Variants in ROBO2 observed in about 807,000 individuals in gnomAD.
ROBO2 encodes roundabout guidance receptor 2.
In ROBO2, 53 loss-of-function variants were observed where a neutral mutation model predicts 160.8. The ratio of observed to expected loss-of-function variants is 0.33; its 90% CI spans 0.26 to 0.41. ROBO2 has a LOEUF of 0.41. Among genes scored for constraint, ROBO2 ranks in the 10% least tolerant of loss-of-function variants. The pLI, the probability that ROBO2 is intolerant of heterozygous loss-of-function variation, is 1.00. For missense variants in ROBO2, 1,577 were observed against 1,722.4 expected, an observed-to-expected ratio of 0.92 and a Z score of 1.49; for synonymous variants, 664 against 611.7, an observed-to-expected ratio of 1.09 and a Z score of -1.26.
intron 2 of ROBO2, among the ~76,000 whole-genome samples, chr3:76,250,315 C>T (rs1705909889): frequency 6.6e-6 from 1 of 151,948 alleles, no homozygotes; most frequent in Non-Finnish European, 1.5e-5. Flanking sequence ...CTTTTGGGAA[C>T]AAATAAAATA....
chr3:77,580,870 G>T (rs112569268), intron 16 of ROBO2, among the ~76,000 whole-genome samples: 2,487 of 152,180 alleles, frequency 0.016, 76 homozygotes, highest in African/African-American at 0.056. Flanking sequence ...AGGGTCTAAT[G>T]TCTGGGTAAA....
intron 2 of ROBO2, among the ~76,000 whole-genome samples, chr3:76,710,852 A>G (rs972547896): frequency 6.6e-6 from 1 of 152,182 alleles, no homozygotes; most frequent in African/African-American, 2.4e-5. Flanking sequence ...CTCAGACAGG[A>G]TGATGCGATA....
At chr3:76,985,526 G>GAGCCA (rs2060327308) in intron 2 of ROBO2, among the ~76,000 whole-genome samples, 1 of 128,416 alleles carries the variant, frequency 7.8e-6, no homozygotes, top group Non-Finnish European at 1.6e-5. Context: ...AGCTTGCAGT[G>GAGCCA]AGCCAAGCCA....
intron 2 of ROBO2, among the ~76,000 whole-genome samples, chr3:76,686,355 C>T (rs1421600433): frequency 1.3e-5 from 2 of 151,980 alleles, no homozygotes; most frequent in African/African-American, 2.4e-5. Context: ...AGTAATCTTC[C>T]TGCCAAATCA....
intron 2 of ROBO2, among the ~76,000 whole-genome samples, chr3:77,243,004 TATGA>T (rs1258599150): frequency 1.3e-5 from 2 of 151,022 alleles, no homozygotes; most frequent in Non-Finnish European, 2.9e-5. Context: ...TTTCTGTGTC[TATGA>T]GAGAGAGAGA....
Position 76,135,563 on chromosome 3 carries a change from G to C in ROBO2, c.109+197961G>C, listed in dbSNP as rs568114387. 7.9e-5 allele frequency among the ~76,000 whole-genome samples: 12 copies of C among 152,152 alleles called. No homozygotes were observed. In the East Asian group the frequency reaches 2.3e-3, roughly 29 times the overall value. On this transcript the variant is annotated intron_variant, in intron 2 of 26. Transcript: ENST00000487694. ...GTAAAGGGAAAGATGTTATGGGCTG[G>C]GACACAAACATGTTCAATGTATCAC...
intron 2 of ROBO2, among the ~76,000 whole-genome samples, chr3:76,267,198 G>A (rs1003383226): frequency 2.0e-5 from 3 of 152,098 alleles, no homozygotes; most frequent in African/African-American, 4.8e-5. Context: ...TGCCCTATTA[G>A]TCAAACCATC....
upstream of ROBO2, among the ~76,000 whole-genome samples, chr3:77,039,578 G>T (rs974879753): frequency 2.6e-5 from 4 of 152,236 alleles, no homozygotes; most frequent in South Asian, 8.3e-4. Context: ...GAAGGGGAAG[G>T]AGTCGCCCGG....
intron 2 of ROBO2, among the ~76,000 whole-genome samples, chr3:76,964,512 T>G (rs2079924646): frequency 6.6e-6 from 1 of 152,128 alleles, no homozygotes; most frequent in Admixed American, 6.5e-5. Context: ...CCGGCTAATT[T>G]TTTGTAGTTT....
chr3:76,064,611 T>A (rs1256706775), intron 2 of ROBO2, among the ~76,000 whole-genome samples: 3 of 152,210 alleles, frequency 2.0e-5, no homozygotes, highest in Non-Finnish European at 4.4e-5. Context: ...TTCTAATAAT[T>A]ACTTTTATTC....
chr3:76,183,993 G>A (rs1701629176), intron 2 of ROBO2, among the ~76,000 whole-genome samples: 1 of 152,092 alleles, frequency 6.6e-6, no homozygotes, highest in African/African-American at 2.4e-5. Context: ...CAAAATGATA[G>A]TAGTAAAAAA....
chr3:76,974,568 G>A (rs77433563), intron 2 of ROBO2, among the ~76,000 whole-genome samples: 4,718 of 152,202 alleles, frequency 0.031, 100 homozygotes, highest in Non-Finnish European at 0.049. Context: ...TTCATGTTTC[G>A]CTAAGGCCTT....
Position 77,210,461 on chromosome 3 carries a change from C to T in ROBO2, c.388+112121C>T, listed in dbSNP as rs553093563. On this transcript the variant is annotated intron_variant, in intron 2 of 25. Coordinates refer to ENST00000461745, the Ensembl canonical transcript of ROBO2. ...TCATATAACAATACAATATACCCTA[C>T]AGGACTTAAAATTTCTGTTCTAGAA... Among the ~76,000 whole-genome samples the T allele has an allele frequency of 1.9e-4, 29 of 152,052 alleles. 1 individual carries two copies. In the South Asian group the frequency reaches 6.0e-3, roughly 32 times the overall value.
intron 1 of ROBO2, among the ~76,000 whole-genome samples, chr3:75,909,305 G>C (rs1279602445): frequency 6.6e-6 from 1 of 152,130 alleles, no homozygotes; most frequent in African/African-American, 2.4e-5. Context: ...GTTTTTTGGA[G>C]GGAGGGAGCT....
At chr3:76,886,267 T>A (rs200804330) in intron 2 of ROBO2, among the ~76,000 whole-genome samples, 56,168 of 141,400 alleles carry the variant, frequency 0.4, 10,588 homozygotes, top group Middle Eastern at 0.53. Context: ...AAAATATATA[T>A]ATATATATAG....
At chr3:76,408,591 G>A (rs1024514114) in intron 2 of ROBO2, among the ~76,000 whole-genome samples, 4 of 151,972 alleles carry the variant, frequency 2.6e-5, no homozygotes, top group East Asian at 1.9e-4. Context: ...CTGGAAAAAC[G>A]TGTTCTTGCA....
chr3:76,544,822 G>A (rs180874757), intron 2 of ROBO2, among the ~76,000 whole-genome samples: 1 of 152,062 alleles, frequency 6.6e-6, no homozygotes, highest in East Asian at 1.9e-4. Flanking sequence ...TTAGAAAAGT[G>A]GCTGATAAAC....
intron 5 of ROBO2, among the ~76,000 whole-genome samples, chr3:77,502,121 G>A (rs979660946): frequency 6.6e-6 from 1 of 152,130 alleles, no homozygotes; most frequent in Non-Finnish European, 1.5e-5. Context: ...GGGTAAATAT[G>A]CCAACATCAC....
At chr3:76,282,379 G>A (rs901092453) in intron 2 of ROBO2, among the ~76,000 whole-genome samples, 1 of 151,982 alleles carries the variant, frequency 6.6e-6, no homozygotes, top group African/African-American at 2.4e-5. Context: ...ACATAGTTGA[G>A]TTGGCTGGTT....
Sources: allele counts gnomAD v4.1 joint callset (sites outside exome capture counted in the v4.1 genomes callset), GRCh38; gene constraint gnomAD v4.1.1; transcripts MANE v1.5; gene names NCBI Gene and HGNC (gene_info 2026-07-23, HGNC 2026-07-21).